Variants in ZEB1 observed in about 807,000 individuals in gnomAD.
ZEB1 encodes zinc finger E-box-binding homeobox 1.
In ZEB1, 21 loss-of-function variants were observed where a neutral mutation model predicts 84.9. The ratio of observed to expected loss-of-function variants is 0.25; its 90% CI spans 0.18 to 0.36. The LOEUF (loss-of-function observed/expected upper bound fraction) is 0.36. ZEB1 is among the 10% of genes least tolerant of loss of function. The probability of loss-of-function intolerance (pLI) is 1.00; values close to 1 mark genes in which losing one functional copy is unlikely to be tolerated. For synonymous variants in ZEB1, 420 were observed against 471.1 expected (o/e 0.89, Z 1.41); for missense variants, 1,104 against 1,330.2 (o/e 0.83, Z 2.65).
intron 1 of ZEB1, among the ~76,000 whole-genome samples, chr10:31,341,839 T>C (rs1179479971): frequency 2.0e-5 from 3 of 152,146 alleles, no homozygotes; most frequent in African/African-American, 7.2e-5. Context: ...AACCACACAT[T>C]TTTAATGGAA....
intron 1 of ZEB1, among the ~76,000 whole-genome samples, chr10:31,409,535 T>C (rs1000349659): frequency 3.3e-5 from 5 of 152,168 alleles, no homozygotes; most frequent in Non-Finnish European, 7.3e-5. Context: ...TGGTTTTTTC[T>C]AATTCTGTGA....
chr10:31,516,076 A>C (rs2071046055), intron 6 of ZEB1, among the ~76,000 whole-genome samples: 1 of 152,120 alleles, frequency 6.6e-6, no homozygotes, highest in Non-Finnish European at 1.5e-5. Flanking sequence ...GGAAAGTATA[A>C]ATCAGAACAA....
At chr10:31,366,047 T>G (rs932771653) in intron 1 of ZEB1, among the ~76,000 whole-genome samples, 1 of 152,222 alleles carries the variant, frequency 6.6e-6, no homozygotes, top group African/African-American at 2.4e-5. Flanking sequence ...AAATCAGAGC[T>G]AATCAACCTG....
chr10:31,521,049 T>C lies in ZEB1; in HGVS notation c.1717T>C (p.Ser573Pro). The C allele has an allele frequency of 1.9e-6, 3 of 1,614,080 alleles. No homozygotes were observed. The highest frequency in any genetic ancestry group is 2.5e-6 in the Non-Finnish European group (3 of 1,179,996). ...PAAEAEKPES[S>P]VSSATGDGNL... ...AGCAGAAGCTGAGAAGCCTGAGTCC[T>C]CTGTTTCATCAGCTACTGGAGATGG... The change falls in exon 7 of 9, where the codon TCT becomes CCT. Residue 573 changes from serine (S) to proline (P), a missense_variant. Transcript: ENST00000424869.
chr10:31,411,255 G>A (rs982131700), intron 1 of ZEB1, among the ~76,000 whole-genome samples: 1 of 152,156 alleles, frequency 6.6e-6, no homozygotes, highest in Admixed American at 6.5e-5. Context: ...ACCTGCTCCT[G>A]AATGACTACT....
At chr10:31,452,274 ATTG>A (rs1252511569) in intron 1 of ZEB1, among the ~76,000 whole-genome samples, 2 of 152,078 alleles carry the variant, frequency 1.3e-5, no homozygotes, top group African/African-American at 4.8e-5. Context: ...TAATATACAC[ATTG>A]TTCATTATTA....
At chr10:31,464,245 C>T (rs550210896) in intron 2 of ZEB1, among the ~76,000 whole-genome samples, 67 of 151,822 alleles carry the variant, frequency 4.4e-4, no homozygotes, top group Non-Finnish European at 7.7e-4. Flanking sequence ...CCCAGCTACT[C>T]GGGAGGCTGA....
At chr10:31,429,760 T>TTTTA (rs1491537631) in intron 1 of ZEB1, among the ~76,000 whole-genome samples, 1 of 138,558 alleles carries the variant, frequency 7.2e-6, no homozygotes. Context: ...TTTTTTTTTT[T>TTTTA]GAGACGAAGT....
At chr10:31,451,767 G>T (rs1193921691) in intron 1 of ZEB1, among the ~76,000 whole-genome samples, 2 of 152,146 alleles carry the variant, frequency 1.3e-5, no homozygotes, top group African/African-American at 2.4e-5. Flanking sequence ...TAGATAAAAG[G>T]GGAAAAGGGG....
chr10:31,369,746 T>C (rs745709990), intron 1 of ZEB1, among the ~76,000 whole-genome samples: 53 of 152,284 alleles, frequency 3.5e-4, no homozygotes, highest in Middle Eastern at 3.4e-3. Flanking sequence ...CATACAGTAG[T>C]TCTATTTTTA....
In ZEB1 at chr10:31,418,616, G is replaced by A. The variant is rs956090072; in HGVS notation, c.59-42421G>A. On this transcript the variant is annotated intron_variant, in intron 1 of 8. Transcript: ENST00000424869. ...TGTGCGTTTTGGTGGGGTGGTAGAA[G>A]TGTTAGTTTCCTTGGTTGCTTGCTT... Among the ~76,000 whole-genome samples, 5 of 152,192 alleles carry A rather than the reference G, an allele frequency of 3.3e-5. No homozygotes were observed. The South Asian group carries it at 8.3e-4, about 25-fold the overall frequency.
chr10:31,510,925 A>C, intron 5 of ZEB1, 50 bp downstream of exon 5: 1 of 1,551,268 alleles, frequency 6.4e-7, no homozygotes, highest in Non-Finnish European at 8.9e-7. Context: ...TTGACAACTC[A>C]GCCCTCAATG....
intron 1 of ZEB1, among the ~76,000 whole-genome samples, chr10:31,385,739 G>A (rs1034286459): frequency 1.3e-4 from 20 of 151,992 alleles, no homozygotes; most frequent in Non-Finnish European, 7.4e-5. Flanking sequence ...TGTTGGCCAA[G>A]CTGGTCTCGA....
chr10:31,379,771 T>A (rs1272829162), intron 1 of ZEB1, among the ~76,000 whole-genome samples: 5 of 151,830 alleles, frequency 3.3e-5, no homozygotes, highest in African/African-American at 7.3e-5. Flanking sequence ...GAGACTAGTG[T>A]AATAAACCCC....
intron 1 of ZEB1, among the ~76,000 whole-genome samples, chr10:31,431,427 G>A (rs1326626453): frequency 6.6e-6 from 1 of 152,176 alleles, no homozygotes; most frequent in African/African-American, 2.4e-5. Context: ...GTAATAGAGG[G>A]CAGATATATC....
At chr10:31,319,474 G>C (rs767685293) in intron 1 of ZEB1, 182 bp downstream of exon 1, 69 of 630,682 alleles carry the variant, frequency 1.1e-4, no homozygotes, top group Middle Eastern at 4.3e-4. Flanking sequence ...CCGGAGCCGC[G>C]CCGCGGCCGC....
chr10:31,494,234 C>T (rs1423466349), intron 2 of ZEB1, among the ~76,000 whole-genome samples: 2 of 151,946 alleles, frequency 1.3e-5, no homozygotes, highest in African/African-American at 4.8e-5. Flanking sequence ...TAGTGTTTAT[C>T]CTACAGCTTT....
At chr10:31,328,143 T>A (rs902329030) in intron 1 of ZEB1, among the ~76,000 whole-genome samples, 1 of 152,184 alleles carries the variant, frequency 6.6e-6, no homozygotes, top group Non-Finnish European at 1.5e-5. Context: ...ATAAAGATAT[T>A]TTCCTGGATT....
Position 31,521,562 on chromosome 10 carries a change from C to T in ZEB1, c.2230C>T (p.Gln744Ter), listed in dbSNP as rs2072378612. 6.2e-7 allele frequency: 1 copy of T among 1,613,958 alleles called. No homozygotes were observed. Among genetic ancestry groups the T allele is most frequent in the African/African-American group, 1.3e-5 (1 of 74,908 alleles). Residue 744 changes from glutamine to a stop codon, truncating the protein, a stop_gained, in exon 7 of 9, where the codon CAG becomes TAG. Transcript: ENST00000424869. LOFTEE classifies it high-confidence loss of function. ...EPLDLSLPKQ[Q>*]GELLERSTIT... is the part of the protein sequence containing the mutation. ...TCTTGATCTTTCACTACCAAAGCAA[C>T]AGGGAGAATTATTAGAAAGGTCAAC...
Sources: allele counts gnomAD v4.1 joint callset (sites outside exome capture counted in the v4.1 genomes callset), GRCh38; gene constraint gnomAD v4.1.1; transcripts MANE v1.5; gene names NCBI Gene and HGNC (gene_info 2026-07-23, HGNC 2026-07-21).